CABCOCO1: variants seen among roughly 807,000 people sequenced by gnomAD.
CABCOCO1 encodes ciliary-associated calcium-binding coiled-coil protein 1.
Under a neutral mutation model 35.7 loss-of-function variants are expected in CABCOCO1, and 28 were observed. The ratio of observed to expected loss-of-function variants is 0.78; its 90% confidence interval spans 0.58 to 1.07. The LOEUF (loss-of-function observed/expected upper bound fraction) is 1.07. Among genes scored for constraint, CABCOCO1 ranks in the 50% least tolerant of loss-of-function variants. The probability of loss-of-function intolerance (pLI) is 0.00; values close to 1 mark genes in which losing one functional copy is unlikely to be tolerated. For missense variants in CABCOCO1, 326 were observed against 309.2 expected (o/e 1.05, Z -0.41); for synonymous variants, 95 against 100.1 (o/e 0.95, Z 0.30).
chr10:61,710,787 A>C (rs992875642), intron 5 of CABCOCO1, among the ~76,000 whole-genome samples: 4 of 151,880 alleles, frequency 2.6e-5, no homozygotes, highest in African/African-American at 9.7e-5. Context: ...CAAAACTCTG[A>C]ATATGAGCAT....
chr10:61,737,085 T>C (rs539557107), intron 5 of CABCOCO1, among the ~76,000 whole-genome samples: 2 of 152,258 alleles, frequency 1.3e-5, no homozygotes, highest in African/African-American at 4.8e-5. Context: ...TATCTTGTCA[T>C]ATGCAAACAG....
intron 5 of CABCOCO1, among the ~76,000 whole-genome samples, chr10:61,704,763 T>C (rs1485308201): frequency 6.6e-6 from 1 of 152,036 alleles, no homozygotes; most frequent in African/African-American, 2.4e-5. Flanking sequence ...GAAATCTCTC[T>C]CTTTTGCCCC....
At chr10:61,748,574 G>A (rs1305870841) in intron 5 of CABCOCO1, among the ~76,000 whole-genome samples, 1 of 152,200 alleles carries the variant, frequency 6.6e-6, no homozygotes, top group Non-Finnish European at 1.5e-5. Context: ...GACCCTTGCT[G>A]CAGAACTGTG....
chr10:61,680,326 A>ATATAT (rs1453835766), intron 2 of CABCOCO1, among the ~76,000 whole-genome samples: 2 of 140,628 alleles, frequency 1.4e-5, no homozygotes, highest in Non-Finnish European at 3.0e-5. Flanking sequence ...AAATATATAT[A>ATATAT]TATATATTTA....
Position 61,690,610 on chromosome 10 carries a change from A to T in CABCOCO1, c.541A>T (p.Ile181Leu), listed in dbSNP as rs781321991. Residue 181 changes from isoleucine (I) to leucine (L), a missense_variant, in exon 5 of 8, where the codon ATA (isoleucine) becomes TTA (leucine). By Grantham distance (5) the Ile-to-Leu change is conservative. Coordinates refer to ENST00000648843, the MANE Select transcript of CABCOCO1 (RefSeq NM_001366906.2). The part of the protein sequence containing the change: ...MFYSAREEIV[I>L]GTEQVIEVVK... ...CTACTCTGCCAGGGAAGAAATTGTG[A>T]TAGGAACTGAGGTAAGTAATTTATC... The T allele has an allele frequency of 6.3e-6, 10 of 1,598,050 alleles. No individual in the cohort carries two copies. Among genetic ancestry groups the T allele is most frequent in the Non-Finnish European group, 8.6e-6 (10 of 1,166,412 alleles).
chr10:61,719,853 A>G (rs1840956982), intron 5 of CABCOCO1, among the ~76,000 whole-genome samples: 1 of 149,348 alleles, frequency 6.7e-6, no homozygotes, highest in South Asian at 2.2e-4. Context: ...CTCAGGAGTC[A>G]GAGGTTTCAG....
chr10:61,721,049 T>C (rs575197202), intron 5 of CABCOCO1, among the ~76,000 whole-genome samples: 4 of 149,218 alleles, frequency 2.7e-5, no homozygotes, highest in African/African-American at 7.3e-5. Context: ...CTCAGCCTCC[T>C]GAGTAGCTGG....
chr10:61,719,902 C>A (rs1351366087), intron 5 of CABCOCO1, among the ~76,000 whole-genome samples: 1 of 120,696 alleles, frequency 8.3e-6, no homozygotes, highest in East Asian at 2.4e-4. Flanking sequence ...GCCTGGGCAG[C>A]AGAGTGAGAC....
intron 5 of CABCOCO1, among the ~76,000 whole-genome samples, chr10:61,741,757 A>G (rs1564553003): frequency 2.0e-5 from 3 of 152,210 alleles, no homozygotes. Context: ...GGTTAAGTGT[A>G]TTGTTGAGAT....
intron 5 of CABCOCO1, among the ~76,000 whole-genome samples, chr10:61,750,595 T>C (rs886304664): frequency 3.9e-5 from 6 of 152,110 alleles, no homozygotes; most frequent in African/African-American, 1.4e-4. Flanking sequence ...ATAGTAACTA[T>C]CAATGAAGTC....
chr10:61,756,093 T>A (rs1841891975), intron 5 of CABCOCO1, among the ~76,000 whole-genome samples: 1 of 152,000 alleles, frequency 6.6e-6, no homozygotes, highest in Non-Finnish European at 1.5e-5. Context: ...ATACATAACG[T>A]TTGGCAATGA....
rs1436972142 is a variant in CABCOCO1 at position 61,680,667 on chromosome 10, A to G, written c.165-476A>G. Among the ~76,000 whole-genome samples, 22 of 77,638 alleles carry G rather than the reference A, an allele frequency of 2.8e-4. 4 individuals carry two copies. Among genetic ancestry groups the G allele is most frequent in the African/African-American group, 7.9e-4 (21 of 26,730 alleles). 50.9% of individuals were successfully genotyped at this position (77,638 alleles called of 152,430 possible). A position where few individuals can be genotyped will look rare whatever the true frequency, so the allele number is the denominator to read the frequency against. The stretch of plus-strand genomic sequence containing the variant: ...ATAATATATATTATGTTATACATGT[A>G]TAACATATATGTTATACATGTATAA... On this transcript the variant is annotated intron_variant, in intron 2 of 7. Transcript: ENST00000648843.
intron 5 of CABCOCO1, among the ~76,000 whole-genome samples, chr10:61,692,994 G>T (rs1015567980): frequency 2.6e-5 from 4 of 152,062 alleles, no homozygotes; most frequent in African/African-American, 9.7e-5. Context: ...ATTTCAGAAA[G>T]AACTCCCTTT....
At chr10:61,718,731 C>A (rs1244333978) in intron 5 of CABCOCO1, among the ~76,000 whole-genome samples, 4 of 151,958 alleles carry the variant, frequency 2.6e-5, no homozygotes, top group African/African-American at 7.2e-5. Context: ...AAAATATTTA[C>A]CAATTCATTA....
intron 2 of CABCOCO1, among the ~76,000 whole-genome samples, chr10:61,677,832 T>G (rs1369984967): frequency 1.4e-5 from 2 of 146,670 alleles, no homozygotes; most frequent in Admixed American, 6.8e-5. Context: ...TTTTTTTTTT[T>G]TTTTGTCCTT....
chr10:61,674,428 A>G (rs1278418252), intron 2 of CABCOCO1, among the ~76,000 whole-genome samples: 1 of 152,190 alleles, frequency 6.6e-6, no homozygotes, highest in Non-Finnish European at 1.5e-5. Context: ...GATAAATAAC[A>G]TCAGTATTAT....
At chr10:61,728,963 G>C (rs532072784) in intron 5 of CABCOCO1, among the ~76,000 whole-genome samples, 2 of 152,188 alleles carry the variant, frequency 1.3e-5, no homozygotes, top group Non-Finnish European at 1.5e-5. Flanking sequence ...GGTTACATGT[G>C]GGGGGAACTG....
intron 5 of CABCOCO1, among the ~76,000 whole-genome samples, chr10:61,740,466 A>G (rs1247814740): frequency 2.0e-5 from 3 of 152,238 alleles, no homozygotes; most frequent in Admixed American, 2.0e-4. Context: ...GTAGAAAGCT[A>G]TTCAAGTCTT....
At chr10:61,764,447 A>C (rs993480985) in intron 7 of CABCOCO1, among the ~76,000 whole-genome samples, 10 of 152,148 alleles carry the variant, frequency 6.6e-5, no homozygotes, top group African/African-American at 2.2e-4. Flanking sequence ...ATGAATTCAA[A>C]AACTAAAGTT....
Sources: gnomAD v4.1 joint callset for allele counts (sites outside exome capture counted in the v4.1 genomes callset) on GRCh38, gnomAD v4.1.1 for gene constraint, MANE v1.5 for transcripts, NCBI Gene and HGNC (gene_info 2026-07-23, HGNC 2026-07-21) for gene names.